The following SLC41A2 variants were observed in gnomAD, a reference collection of about 807,000 sequenced individuals.
SLC41A2 encodes the protein SLC41A1-like 1.
SLC41A2 carries 32 observed loss-of-function variants against 58.3 expected under a neutral mutation model. That is an observed-to-expected ratio of 0.55 (90% CI 0.41 to 0.74). The LOEUF is 0.74. Ranked by LOEUF, SLC41A2 falls within the 30% of genes least tolerant of loss-of-function variation. The probability of loss-of-function intolerance (pLI) is 0.00; values close to 1 mark genes in which losing one functional copy is unlikely to be tolerated. For synonymous variants in SLC41A2, 190 were observed against 235.0 expected, an observed-to-expected ratio of 0.81 and a Z score of 1.75; for missense variants, 514 against 680.6, an observed-to-expected ratio of 0.76 and a Z score of 2.72.
intron 1 of SLC41A2, among the ~76,000 whole-genome samples, chr12:104,928,994 C>G (rs1237840075): frequency 6.6e-6 from 1 of 152,172 alleles, no homozygotes; most frequent in Non-Finnish European, 1.5e-5. Context: ...TGAAATCCCA[C>G]AGTGGACAAA....
At chr12:104,915,801 A>C (rs1307467635) in intron 2 of SLC41A2, among the ~76,000 whole-genome samples, 1 of 152,080 alleles carries the variant, frequency 6.6e-6, no homozygotes, top group African/African-American at 2.4e-5. Context: ...AACTTCCAAC[A>C]CTATGTTGAA....
At chr12:104,945,769 T>C (rs144412899) in intron 1 of SLC41A2, among the ~76,000 whole-genome samples, 19 of 152,308 alleles carry the variant, frequency 1.2e-4, no homozygotes, top group African/African-American at 4.6e-4. Flanking sequence ...TATTAATACA[T>C]CCTAAATACT....
intron 1 of SLC41A2, among the ~76,000 whole-genome samples, chr12:104,957,475 A>G (rs1171078222): frequency 1.3e-5 from 2 of 152,196 alleles, no homozygotes; most frequent in Non-Finnish European, 2.9e-5. Context: ...ATATATTAAA[A>G]GCCACACTTT....
intron 8 of SLC41A2, among the ~76,000 whole-genome samples, chr12:104,856,038 A>G (rs1346861735): frequency 6.6e-6 from 1 of 152,246 alleles, no homozygotes; most frequent in Non-Finnish European, 1.5e-5. Context: ...GCATATATCA[A>G]AATCAATTGA....
rs994124986 is a variant in SLC41A2 at position 104,882,368 on chromosome 12, C to A, written c.1027+3925G>T. Among the ~76,000 whole-genome samples, 4 of 151,874 alleles carry A rather than the reference C, an allele frequency of 2.6e-5. No homozygotes were observed. In the South Asian group the frequency reaches 6.2e-4, roughly 24 times the overall value. On this transcript the variant is annotated intron_variant, in intron 6 of 10. Coordinates refer to ENST00000258538, the MANE Select transcript of SLC41A2 (RefSeq NM_001352171.3). ...AATTTGATCCTGTCATCATGATGTT[C>A]GCTGGTTTTTTTTGCCCATTAATTG...
intron 3 of SLC41A2, among the ~76,000 whole-genome samples, chr12:104,905,396 T>A (rs1253955601): frequency 1.3e-5 from 2 of 152,220 alleles, no homozygotes; most frequent in Non-Finnish European, 2.9e-5. Flanking sequence ...ATCCCTGAGC[T>A]AGATATAAAG....
intron 10 of SLC41A2, among the ~76,000 whole-genome samples, chr12:104,837,055 G>A (rs1002781187): frequency 3.9e-5 from 6 of 152,128 alleles, no homozygotes; most frequent in Admixed American, 3.3e-4. Context: ...CTTAGTAATG[G>A]TTTATGCTTG....
intron 10 of SLC41A2, among the ~76,000 whole-genome samples, chr12:104,832,016 C>T (rs2042054991): frequency 6.6e-6 from 1 of 152,162 alleles, no homozygotes; most frequent in South Asian, 2.1e-4. Context: ...TGGCCACATC[C>T]TCTGCTATCC....
chr12:104,823,944 AGATGACAGATAT>A (rs1433533471), intron 10 of SLC41A2, among the ~76,000 whole-genome samples: 1 of 152,220 alleles, frequency 6.6e-6, no homozygotes, highest in Non-Finnish European at 1.5e-5. Context: ...TAACTACATG[AGATGACAGATAT>A]TTTAATCTAC....
At chr12:104,957,936 G>A (rs2048231729) in intron 1 of SLC41A2, among the ~76,000 whole-genome samples, 152 bp downstream of exon 1, 1 of 152,050 alleles carries the variant, frequency 6.6e-6, no homozygotes, top group South Asian at 2.1e-4. Context: ...TCCGCAGGGG[G>A]CACGGCTGCT....
chr12:104,921,588 T>C (rs2046598665), intron 2 of SLC41A2, among the ~76,000 whole-genome samples: 1 of 151,076 alleles, frequency 6.6e-6, no homozygotes, highest in African/African-American at 2.4e-5. Context: ...TCAGCACCTC[T>C]AGTTTTGTCT....
intron 4 of SLC41A2, among the ~76,000 whole-genome samples, chr12:104,894,354 A>G (rs982783479): frequency 2.0e-5 from 3 of 149,104 alleles, no homozygotes; most frequent in Non-Finnish European, 4.5e-5. Context: ...CCCTGCCTCA[A>G]AAAAAAAAAA....
intron 2 of SLC41A2, 37 bp from the exon 3 acceptor site, chr12:104,909,799 T>C (rs1408415117): frequency 1.2e-5 from 17 of 1,400,980 alleles, no homozygotes; most frequent in Non-Finnish European, 1.6e-5. Flanking sequence ...TTTCTGGCAC[T>C]CTTTAAAAAA....
chr12:104,866,371 C>T (rs1593026341), intron 7 of SLC41A2, 61 bp downstream of exon 7: 1 of 1,384,606 alleles, frequency 7.2e-7, no homozygotes, highest in East Asian at 2.4e-5. Context: ...CACACAAAGA[C>T]AGACAGACGT....
rs1447037949 is a variant in SLC41A2, at chr12:104,886,304, T to A, written c.1016A>T (p.Tyr339Phe). 6.2e-7 allele frequency: 1 copy of A among 1,613,226 alleles called. No homozygotes were observed. Among genetic ancestry groups the A allele is most frequent in the Non-Finnish European group, 8.5e-7 (1 of 1,179,514 alleles). Residue 339 changes from tyrosine to phenylalanine, a missense_variant, in exon 6 of 11, where the codon TAC (tyrosine) becomes TTC (phenylalanine). Tyr to Phe is a conservative substitution (Grantham distance 22, BLOSUM62 3). Coordinates refer to ENST00000258538, the MANE Select transcript of SLC41A2 (RefSeq NM_001352171.3). The part of the protein sequence containing the change: ...AILAWISQGL[Y>F]SCLETYYYIS... ...TTAAATCAACTTACCAAGACAGGAG[T>A]ATAAGCCCTGACTTATCCAAGCCAA... is the stretch of plus-strand genomic sequence containing the variant.
At chr12:104,858,672 C>A (rs74557152) in intron 8 of SLC41A2, among the ~76,000 whole-genome samples, 2 of 152,058 alleles carry the variant, frequency 1.3e-5, no homozygotes, top group East Asian at 1.9e-4. Flanking sequence ...CCACCATGCC[C>A]GGCTAATTTT....
intron 3 of SLC41A2, among the ~76,000 whole-genome samples, chr12:104,901,975 T>A (rs1031374431): frequency 6.6e-6 from 1 of 152,186 alleles, no homozygotes; most frequent in Non-Finnish European, 1.5e-5. Context: ...CTCCCTCAGA[T>A]AATCATAAAA....
intron 10 of SLC41A2, among the ~76,000 whole-genome samples, chr12:104,843,264 A>T (rs1441060723): frequency 6.6e-6 from 1 of 151,822 alleles, no homozygotes; most frequent in East Asian, 1.9e-4. Flanking sequence ...GTCTGAACTT[A>T]TTCCTCCTGG....
chr12:104,894,240 G>A (rs2135699191), intron 4 of SLC41A2, among the ~76,000 whole-genome samples: 1 of 151,974 alleles, frequency 6.6e-6, no homozygotes, highest in South Asian at 2.1e-4. Flanking sequence ...TGTAGTCCCA[G>A]CTACTCGGGC....
Sources: gnomAD v4.1 joint callset for allele counts (sites outside exome capture counted in the v4.1 genomes callset) on GRCh38, gnomAD v4.1.1 for gene constraint, MANE v1.5 for transcripts, NCBI Gene and HGNC (gene_info 2026-07-23, HGNC 2026-07-21) for gene names.